The following DPP3 variants were observed in gnomAD, a reference collection of about 807,000 sequenced individuals.
DPP3 encodes the protein DPP III.
DPP3 carries 64 observed loss-of-function variants against 89.8 expected under a neutral mutation model. The observed-to-expected ratio is 0.71, with a 90% confidence interval of 0.58 to 0.88. The LOEUF (loss-of-function observed/expected upper bound fraction) is 0.88. DPP3 is among the 40% of genes least tolerant of loss of function. The pLI is 0.00. For missense variants in DPP3, 835 were observed against 972.5 expected (o/e 0.86, Z 1.88); for synonymous variants, 377 against 404.3 (o/e 0.93, Z 0.81).
intron 16 of DPP3, among the ~76,000 whole-genome samples, chr11:66,502,892 C>G (rs553883104): frequency 2.0e-5 from 3 of 152,260 alleles, no homozygotes; most frequent in African/African-American, 7.2e-5. Context: ...AGCCACCCGC[C>G]CGGCCCGAGT....
chr11:66,489,692 A>G (rs1403817730), intron 6 of DPP3, among the ~76,000 whole-genome samples: 1 of 152,210 alleles, frequency 6.6e-6, no homozygotes, highest in Non-Finnish European at 1.5e-5. Context: ...GGAGCACAGT[A>G]GGAACAGCCG....
chr11:66,491,889 A>C (rs150717987), intron 9 of DPP3, 133 bp downstream of exon 9: 1 of 999,194 alleles, frequency 1.0e-6, no homozygotes, highest in African/African-American at 1.6e-5. Context: ...CATGGTAAAT[A>C]AACACCGTTT....
intron 6 of DPP3, 109 bp from the exon 7 acceptor site, chr11:66,491,144 G>A (rs1422914478): frequency 6.6e-7 from 1 of 1,521,756 alleles, no homozygotes; most frequent in East Asian, 2.3e-5. Flanking sequence ...ATCTTAGAGT[G>A]AAAGAGTGCT....
intron 17 of DPP3, among the ~76,000 whole-genome samples, chr11:66,506,172 G>A (rs1306496375): frequency 6.6e-6 from 1 of 152,018 alleles, no homozygotes; most frequent in Non-Finnish European, 1.5e-5. Context: ...GGCTGGTCTC[G>A]AACTCCTGAC....
chr11:66,482,370 C>T lies in DPP3; in HGVS notation c.170C>T (p.Pro57Leu), dbSNP rs766675703. The T allele has an allele frequency of 6.2e-7, 1 of 1,612,712 alleles. No individual in the cohort carries two copies. The highest frequency in any genetic ancestry group is 2.2e-5 in the East Asian group (1 of 44,888). The change falls in exon 2 of 18, where the codon CCC becomes CTC. Residue 57 changes from proline (P) to leucine (L), a missense_variant. Physicochemically the swap from Pro to Leu is moderately conservative, Grantham distance 98 (BLOSUM62 -3). Transcript: ENST00000531863. ...AVLLQTSPEA[P>L]YIYALLSRLF... ...CTGCTTCAGACCTCCCCTGAGGCCCCCTACATCTATGCTCTGCTCAGCCGC... is the reference window on the plus strand; with the variant it reads ...CTGCTTCAGACCTCCCCTGAGGCCCTCTACATCTATGCTCTGCTCAGCCGC...
chr11:66,507,836 C>T (rs894985971), intron 17 of DPP3, among the ~76,000 whole-genome samples: 10 of 152,002 alleles, frequency 6.6e-5, no homozygotes, highest in Non-Finnish European at 1.3e-4. Context: ...CACCACCATG[C>T]CCAGCTAATT....
chr11:66,481,722 A>G (rs1179250221), intron 1 of DPP3, among the ~76,000 whole-genome samples: 1 of 151,018 alleles, frequency 6.6e-6, no homozygotes, highest in Non-Finnish European at 1.5e-5. Context: ...GTCTCAGCTC[A>G]CTGCAGCCTC....
chr11:66,483,551 G>C (rs1855144642), intron 2 of DPP3, among the ~76,000 whole-genome samples: 1 of 152,064 alleles, frequency 6.6e-6, no homozygotes, highest in South Asian at 2.1e-4. Flanking sequence ...TTCCACAGCA[G>C]TGTACACTAT....
intron 9 of DPP3, chr11:66,492,515 G>T: frequency 3.5e-6 from 2 of 564,102 alleles, no homozygotes; most frequent in South Asian, 5.9e-5. Context: ...GCCTGAGGGA[G>T]AGACGGGTTT....
chr11:66,486,870 G>A (rs1285272233), intron 4 of DPP3, among the ~76,000 whole-genome samples, 193 bp downstream of exon 4: 1 of 152,178 alleles, frequency 6.6e-6, no homozygotes, highest in Non-Finnish European at 1.5e-5. Flanking sequence ...AATGCTTTCT[G>A]AATGCCCTCC....
At position 66,503,332 on chromosome 11, in the gene DPP3, T is replaced by C. The variant is rs112277687; in HGVS notation, c.1879-1280T>C. Among the ~76,000 whole-genome samples the C allele has an allele frequency of 8.8e-3, 1,347 of 152,276 alleles. 22 individuals carry two copies. The highest frequency in any genetic ancestry group is 0.03 in the African/African-American group (1,253 of 41,554). On this transcript the variant is annotated intron_variant, in intron 16 of 17. Coordinates refer to ENST00000531863, the MANE Select transcript of DPP3 (RefSeq NM_130443.4). ...CTTGTCTACATGTCAAATGAGATAATCAAACGAGAAACATTAGCTTTAATT... is the reference window on the plus strand; with the variant it reads ...CTTGTCTACATGTCAAATGAGATAACCAAACGAGAAACATTAGCTTTAATT...
At chr11:66,494,210 AAC>A (rs1329376011) in intron 12 of DPP3, among the ~76,000 whole-genome samples, 2 of 152,148 alleles carry the variant, frequency 1.3e-5, no homozygotes, top group Non-Finnish European at 2.9e-5. Flanking sequence ...GGAATATGGA[AAC>A]ACAGACAGTC....
chr11:66,483,230 T>A (rs1411338444), intron 2 of DPP3: 1 of 152,238 alleles, frequency 6.6e-6, no homozygotes, highest in Non-Finnish European at 1.5e-5. Flanking sequence ...TTTCACCATG[T>A]TGCCCAGTCT....
At position 66,495,625 on chromosome 11, in the gene DPP3, C is replaced by G; in HGVS notation, c.1578-5C>G. The stretch of plus-strand genomic sequence containing the variant: ...CATCCTGCCACCTGCCTGCCCCTCT[C>G]ACAGGATCTTTGGCTTTGAGGGGGC... On this transcript the variant is annotated splice_polypyrimidine_tract_variant and splice_region_variant and intron_variant, in intron 14 of 17. Coordinates refer to ENST00000531863, the MANE Select transcript of DPP3 (RefSeq NM_130443.4). 1 of 1,614,142 alleles carries G rather than the reference C, an allele frequency of 6.2e-7. No individual in the cohort carries two copies. Among genetic ancestry groups the G allele is most frequent in the Non-Finnish European group, 8.5e-7 (1 of 1,180,030 alleles).
At chr11:66,497,043 C>A (rs910304605) in intron 15 of DPP3, among the ~76,000 whole-genome samples, 3 of 152,144 alleles carry the variant, frequency 2.0e-5, no homozygotes, top group African/African-American at 7.2e-5. Flanking sequence ...GCACCAGGTC[C>A]CGCCTGGAAA....
intron 4 of DPP3, 37 bp downstream of exon 4, chr11:66,486,714 G>A (rs1437108885): frequency 6.2e-6 from 9 of 1,459,578 alleles, no homozygotes; most frequent in Admixed American, 2.5e-5. Flanking sequence ...ACAGGGAGTG[G>A]AGGGAATCCT....
chr11:66,501,902 A>G (rs1234503583), intron 16 of DPP3, among the ~76,000 whole-genome samples: 2 of 151,738 alleles, frequency 1.3e-5, no homozygotes, highest in African/African-American at 4.8e-5. Context: ...GAGTTTTTTA[A>G]AAACTACAAT....
chr11:66,500,782 G>A (rs1325399696), intron 16 of DPP3, among the ~76,000 whole-genome samples: 4 of 152,116 alleles, frequency 2.6e-5, no homozygotes, highest in East Asian at 1.9e-4. Context: ...CCGGCCGGGC[G>A]CACTGGCTCA....
chr11:66,489,935 C>G (rs1319995365), intron 6 of DPP3, among the ~76,000 whole-genome samples: 1 of 152,152 alleles, frequency 6.6e-6, no homozygotes, highest in Non-Finnish European at 1.5e-5. Context: ...GTGACCTGGC[C>G]TAAGCACATG....
Sources: gnomAD v4.1 joint callset for allele counts (sites outside exome capture counted in the v4.1 genomes callset) on GRCh38, gnomAD v4.1.1 for gene constraint, MANE v1.5 for transcripts, NCBI Gene and HGNC (gene_info 2026-07-23, HGNC 2026-07-21) for gene names.